The following RFX3 variants were observed in gnomAD, a reference collection of about 807,000 sequenced individuals.
The protein encoded by RFX3 is transcription factor RFX3.
Under a neutral mutation model 98.6 loss-of-function variants are expected in RFX3, and 14 were observed. The ratio of observed to expected loss-of-function variants is 0.14; its 90% CI spans 0.09 to 0.22. The LOEUF is 0.22. Ranked by LOEUF, RFX3 falls within the 10% of genes least tolerant of loss-of-function variation. RFX3 has a pLI of 1.00. For synonymous variants in RFX3, 383 were observed against 328.4 expected, an observed-to-expected ratio of 1.17 and a Z score of -1.80; for missense variants, 639 against 926.9, an observed-to-expected ratio of 0.69 and a Z score of 4.03.
chr9:3,408,593 G>GTCTCTCTCTC lies in RFX3; in HGVS notation c.-8-13007_-8-12998dup, dbSNP rs746689896. Among the ~76,000 whole-genome samples, 1,241 of 147,924 alleles carry GTCTCTCTCTC rather than the reference G, an allele frequency of 8.4e-3. 10 individuals are homozygous for GTCTCTCTCTC. Among genetic ancestry groups the GTCTCTCTCTC allele is most frequent in the East Asian group, 0.019 (95 of 5,054 alleles). On this transcript the variant is annotated intron_variant, in intron 1 of 16. Coordinates refer to ENST00000617270, the MANE Select transcript of RFX3 (RefSeq NM_001282116.2). The stretch of plus-strand genomic sequence containing the variant: ...TGCTGTAAGAGTTATCTCTGTCTCT[G>GTCTCTCTCTC]TCTCTCTCTCTCTCTCTCTCACACA...
chr9:3,444,454 T>A (rs991607465), intron 1 of RFX3, among the ~76,000 whole-genome samples: 1 of 151,854 alleles, frequency 6.6e-6, no homozygotes, highest in African/African-American at 2.4e-5. Context: ...AGAAAGAGAA[T>A]AGGGACACAG....
intron 1 of RFX3, among the ~76,000 whole-genome samples, chr9:3,445,620 C>T (rs1845979229): frequency 6.6e-6 from 1 of 152,086 alleles, no homozygotes; most frequent in Non-Finnish European, 1.5e-5. Flanking sequence ...TATTCCCACC[C>T]AATTTATTTT....
intron 12 of RFX3, 58 bp from the exon 13 acceptor site, chr9:3,263,142 C>T (rs1823143077): frequency 1.9e-6 from 3 of 1,564,056 alleles, no homozygotes; most frequent in East Asian, 2.3e-5. Context: ...GAAACCACTG[C>T]AATTTTCAAA....
At chr9:3,510,125 C>CT (rs1216704130) in intron 1 of RFX3, among the ~76,000 whole-genome samples, 10 of 151,994 alleles carry the variant, frequency 6.6e-5, no homozygotes, top group Non-Finnish European at 1.2e-4. Context: ...ATGGCTGTCT[C>CT]TTTTGGTCTG....
chr9:3,249,776 G>C (rs937699414), intron 14 of RFX3, among the ~76,000 whole-genome samples: 5 of 152,018 alleles, frequency 3.3e-5, no homozygotes, highest in South Asian at 2.1e-4. Flanking sequence ...TTTAGCCTAA[G>C]AGTCAAATGA....
rs942078029 is a variant in RFX3 at position 3,375,296 on chromosome 9, A to G, written c.117+20176T>C. 3.3e-5 allele frequency among the ~76,000 whole-genome samples: 5 copies of G among 152,310 alleles called. No individual in the cohort carries two copies. The East Asian group carries it at 7.7e-4, about 24-fold the overall frequency. The stretch of plus-strand genomic sequence containing the variant: ...ACACTCTGGTCAGACAGCTATCAGG[A>G]TGAGCTGTGCACATGTCTGCCATTT... On this transcript the variant is annotated intron_variant, in intron 2 of 16. Transcript: ENST00000617270.
At chr9:3,277,685 G>A (rs944643707) in intron 7 of RFX3, among the ~76,000 whole-genome samples, 2 of 151,750 alleles carry the variant, frequency 1.3e-5, no homozygotes, top group African/African-American at 4.8e-5. Context: ...ACCCATTTTT[G>A]GAAATCCAGA....
At chr9:3,479,543 A>G (rs543174982) in intron 1 of RFX3, among the ~76,000 whole-genome samples, 15 of 152,298 alleles carry the variant, frequency 9.8e-5, no homozygotes, top group Admixed American at 8.5e-4. Flanking sequence ...TAAACTGCAT[A>G]AACAATTTAT....
chr9:3,491,262 G>C (rs991178113), intron 1 of RFX3, among the ~76,000 whole-genome samples: 12 of 152,074 alleles, frequency 7.9e-5, no homozygotes, highest in Non-Finnish European at 1.5e-4. Context: ...ACAGGTGTTT[G>C]CTGTGTATTT....
chr9:3,447,648 C>T (rs1451473925), intron 1 of RFX3, among the ~76,000 whole-genome samples: 2 of 152,122 alleles, frequency 1.3e-5, no homozygotes, highest in South Asian at 2.1e-4. Context: ...TCAAGGAAAA[C>T]ATTTCAGTTC....
chr9:3,342,334 T>C (rs1833978445), intron 3 of RFX3, among the ~76,000 whole-genome samples: 1 of 152,188 alleles, frequency 6.6e-6, no homozygotes, highest in Non-Finnish European at 1.5e-5. Flanking sequence ...TCACTGCTTG[T>C]GTAACCACAG....
chr9:3,396,230 C>G (rs1268131860), intron 1 of RFX3, among the ~76,000 whole-genome samples: 2 of 151,940 alleles, frequency 1.3e-5, no homozygotes, highest in Admixed American at 1.3e-4. Context: ...GTGATGTTCT[C>G]CTTCCTGTGT....
intron 1 of RFX3, among the ~76,000 whole-genome samples, chr9:3,501,161 G>T (rs575128063): frequency 3.3e-5 from 5 of 152,066 alleles, no homozygotes; most frequent in Non-Finnish European, 7.4e-5. Context: ...GCAAATTCCA[G>T]TTTTCTTGGA....
intron 1 of RFX3, among the ~76,000 whole-genome samples, chr9:3,471,096 A>G (rs1848736869): frequency 6.6e-6 from 1 of 152,226 alleles, no homozygotes; most frequent in African/African-American, 2.4e-5. Context: ...ATTCAAAAAG[A>G]TTGTGGTGCT....
chr9:3,322,238 C>A lies in RFX3; in HGVS notation c.474+8021G>T, dbSNP rs144238893. 2.6e-3 allele frequency among the ~76,000 whole-genome samples: 397 copies of A among 152,146 alleles called. 2 individuals carry two copies. The highest frequency in any genetic ancestry group is 9.1e-3 in the African/African-American group (377 of 41,504). ...AATGTTTAATATTGAAATTTCTTAT[C>A]CAAGAATATGGTATGCCTTTCCAGT... On this transcript the variant is annotated intron_variant, in intron 4 of 16. Transcript: ENST00000617270.
intron 1 of RFX3, among the ~76,000 whole-genome samples, chr9:3,399,021 A>G (rs1344094868): frequency 6.6e-6 from 1 of 151,678 alleles, no homozygotes; most frequent in Admixed American, 6.6e-5. Flanking sequence ...AAAGGCATAG[A>G]TTTGGAAATT....
At chr9:3,369,195 C>G (rs77361577) in intron 2 of RFX3, among the ~76,000 whole-genome samples, 2 of 152,234 alleles carry the variant, frequency 1.3e-5, no homozygotes, top group Admixed American at 1.3e-4. Flanking sequence ...TTACGAACAA[C>G]AGAAATTTAT....
At chr9:3,395,794 T>TA (rs1227183680) in intron 1 of RFX3, among the ~76,000 whole-genome samples, 198 bp from the exon 2 acceptor site, 2 of 152,208 alleles carry the variant, frequency 1.3e-5, no homozygotes, top group East Asian at 3.8e-4. Context: ...CCACATTCTT[T>TA]AAAAAAATTC....
At chr9:3,235,201 C>T (rs1254964389) in intron 15 of RFX3, among the ~76,000 whole-genome samples, 1 of 152,152 alleles carries the variant, frequency 6.6e-6, no homozygotes, top group African/African-American at 2.4e-5. Flanking sequence ...GACATTTGCT[C>T]CAATTTGGGT....
Sources: allele counts gnomAD v4.1 joint callset (sites outside exome capture counted in the v4.1 genomes callset), GRCh38; gene constraint gnomAD v4.1.1; transcripts MANE v1.5; gene names NCBI Gene and HGNC (gene_info 2026-07-23, HGNC 2026-07-21).